Variants in PLPPR1 observed in about 807,000 individuals in gnomAD.
PLPPR1 encodes the protein phospholipid phosphatase related 1, also known as phospholipid phosphatase-related protein type 1.
In PLPPR1, 10 loss-of-function variants were observed where a neutral mutation model predicts 33.1. The observed-to-expected ratio is 0.30, with a 90% CI of 0.19 to 0.51. The LOEUF (loss-of-function observed/expected upper bound fraction) is 0.51. Ranked by LOEUF, PLPPR1 falls within the 20% of genes least tolerant of loss-of-function variation. The pLI, the probability that PLPPR1 is intolerant of heterozygous loss-of-function variation, is 0.97. For synonymous variants in PLPPR1, 151 were observed against 151.0 expected (o/e 1.00, Z 0.00); for missense variants, 304 against 408.1 (o/e 0.74, Z 2.20).
intron 1 of PLPPR1, among the ~76,000 whole-genome samples, chr9:101,031,709 C>T (rs1174735533): frequency 2.0e-5 from 3 of 152,126 alleles, no homozygotes; most frequent in Non-Finnish European, 4.4e-5. Context: ...TGATTTTTTC[C>T]TTTCCCTGGA....
intron 1 of PLPPR1, among the ~76,000 whole-genome samples, chr9:101,126,984 T>A (rs1831253112): frequency 1.3e-5 from 2 of 152,182 alleles, no homozygotes; most frequent in South Asian, 4.1e-4. Context: ...AACTCCATAG[T>A]CCCTTGCTCT....
intron 4 of PLPPR1, among the ~76,000 whole-genome samples, chr9:101,301,805 T>C (rs919123066): frequency 6.6e-6 from 1 of 152,228 alleles, no homozygotes; most frequent in Non-Finnish European, 1.5e-5. Flanking sequence ...TGATGACATA[T>C]CATAGATATT....
chr9:101,214,989 C>T lies in PLPPR1; in HGVS notation c.63+29432C>T, dbSNP rs551355648. On this transcript the variant is annotated intron_variant, in intron 2 of 7. Transcript: ENST00000374874. The stretch of plus-strand genomic sequence containing the variant: ...AGTCAGCTGAGATCACGCCACTGCA[C>T]TCCAGCCTGGGTGACAGAGTAAGAC... Among the ~76,000 whole-genome samples the T allele has an allele frequency of 5.4e-5, 8 of 148,356 alleles. No homozygotes were observed. The East Asian group carries it at 1.2e-3, about 22-fold the overall frequency.
chr9:101,316,884 G>A (rs12342675), intron 6 of PLPPR1, among the ~76,000 whole-genome samples: 9,364 of 152,102 alleles, frequency 0.062, 484 homozygotes, highest in African/African-American at 0.13. Context: ...ATGATTTAAG[G>A]GCTCTGGAGT....
At chr9:101,154,841 C>T (rs1425339581) in intron 1 of PLPPR1, among the ~76,000 whole-genome samples, 2 of 151,680 alleles carry the variant, frequency 1.3e-5, no homozygotes, top group Non-Finnish European at 2.9e-5. Flanking sequence ...AACCATCATT[C>T]TCAGCAAACT....
At chr9:101,286,819 A>G (rs1180124197) in intron 4 of PLPPR1, among the ~76,000 whole-genome samples, 20 of 152,230 alleles carry the variant, frequency 1.3e-4, no homozygotes, top group Non-Finnish European at 2.9e-4. Flanking sequence ...TAGATATGGG[A>G]ATAAATGTGT....
chr9:101,070,970 TG>T (rs1470503129), intron 1 of PLPPR1, among the ~76,000 whole-genome samples: 8 of 151,592 alleles, frequency 5.3e-5, no homozygotes, highest in African/African-American at 1.5e-4. Context: ...TTATCTAGAG[TG>T]GGATTGTGAA....
intron 1 of PLPPR1, among the ~76,000 whole-genome samples, chr9:101,030,723 T>G (rs1829935156): frequency 6.6e-6 from 1 of 152,016 alleles, no homozygotes; most frequent in Non-Finnish European, 1.5e-5. Context: ...TGCCTGCTGC[T>G]CCTCACGGGT....
intron 1 of PLPPR1, chr9:101,125,299 C>G (rs1175089791): frequency 6.0e-6 from 1 of 166,324 alleles, no homozygotes; most frequent in East Asian, 1.9e-4. Flanking sequence ...GTACTTGTCT[C>G]TACTTTACTT....
chr9:101,108,940 G>A (rs1029410951), intron 1 of PLPPR1, among the ~76,000 whole-genome samples: 1 of 148,678 alleles, frequency 6.7e-6, no homozygotes, highest in Non-Finnish European at 1.5e-5. Context: ...ATAAGCAAAA[G>A]CTCTTTTTTG....
At chr9:101,150,255 C>G (rs970347192) in intron 1 of PLPPR1, among the ~76,000 whole-genome samples, 1 of 152,008 alleles carries the variant, frequency 6.6e-6, no homozygotes, top group Non-Finnish European at 1.5e-5. Flanking sequence ...AGAATCCTTC[C>G]TTTTTATCTG....
intron 2 of PLPPR1, among the ~76,000 whole-genome samples, chr9:101,224,493 G>C (rs568609299): frequency 6.6e-6 from 1 of 152,218 alleles, no homozygotes; most frequent in East Asian, 1.9e-4. Flanking sequence ...TCCTTATAAA[G>C]TGGGCATCGT....
At chr9:101,310,047 G>A (rs764616577) in intron 5 of PLPPR1, among the ~76,000 whole-genome samples, 4 of 152,098 alleles carry the variant, frequency 2.6e-5, no homozygotes, top group Non-Finnish European at 4.4e-5. Flanking sequence ...CCCCCAGATC[G>A]CACAGCCATT....
intron 1 of PLPPR1, among the ~76,000 whole-genome samples, chr9:101,156,279 G>T (rs564597408): frequency 7.9e-5 from 12 of 152,242 alleles, no homozygotes; most frequent in African/African-American, 2.6e-4. Context: ...GCCAGGCATG[G>T]TGGCTCACAC....
chr9:101,303,431 A>T (rs1828789658), intron 4 of PLPPR1, among the ~76,000 whole-genome samples: 1 of 152,154 alleles, frequency 6.6e-6, no homozygotes, highest in Admixed American at 6.6e-5. Flanking sequence ...CCTCCTGAGT[A>T]GCTGGGATTA....
chr9:101,182,598 T>C (rs1826135002), intron 1 of PLPPR1, among the ~76,000 whole-genome samples: 1 of 151,784 alleles, frequency 6.6e-6, no homozygotes, highest in East Asian at 1.9e-4. Context: ...GGTTGTTGCA[T>C]AATACTGTGA....
chr9:101,206,492 T>G (rs1826590284), intron 2 of PLPPR1, among the ~76,000 whole-genome samples: 1 of 152,288 alleles, frequency 6.6e-6, no homozygotes, highest in African/African-American at 2.4e-5. Context: ...CTGAGCTCTC[T>G]GCTTGCTGTT....
At chr9:101,040,479 T>C (rs138639803) in intron 1 of PLPPR1, among the ~76,000 whole-genome samples, 107 of 152,266 alleles carry the variant, frequency 7.0e-4, no homozygotes, top group African/African-American at 2.2e-3. Context: ...TAGAATCTGA[T>C]TGGGTGTGAG....
chr9:101,168,767 C>T (rs528361775), intron 1 of PLPPR1, among the ~76,000 whole-genome samples: 1 of 152,122 alleles, frequency 6.6e-6, no homozygotes, highest in South Asian at 2.1e-4. Context: ...GGCATTATGA[C>T]ATGAGGAACA....
Sources: allele counts gnomAD v4.1 joint callset (sites outside exome capture counted in the v4.1 genomes callset), GRCh38; gene constraint gnomAD v4.1.1; transcripts MANE v1.5; gene names NCBI Gene and HGNC (gene_info 2026-07-23, HGNC 2026-07-21).